The following IMPG2 variants were observed in gnomAD, a reference collection of about 807,000 sequenced individuals.
The protein encoded by IMPG2 is IPM 200.
A neutral mutation model predicts 129.2 loss-of-function variants in IMPG2; 91 were observed. The ratio of observed to expected loss-of-function variants is 0.70; its 90% CI spans 0.59 to 0.84. The LOEUF is 0.84. Among genes scored for constraint, IMPG2 ranks in the 40% least tolerant of loss-of-function variants. The pLI, the probability that IMPG2 is intolerant of heterozygous loss-of-function variation, is 0.00. For synonymous variants in IMPG2, 510 were observed against 517.7 expected, an observed-to-expected ratio of 0.99 and a Z score of 0.20; for missense variants, 1,430 against 1,461.7, an observed-to-expected ratio of 0.98 and a Z score of 0.35.
At chr3:101,278,221 G>A (rs1228556277) in intron 4 of IMPG2, among the ~76,000 whole-genome samples, 1 of 152,190 alleles carries the variant, frequency 6.6e-6, no homozygotes, top group Non-Finnish European at 1.5e-5. Context: ...GGTGACAGAG[G>A]AAGACTCTGC....
intron 13 of IMPG2, 100 bp downstream of exon 13, chr3:101,243,429 A>G: frequency 9.6e-7 from 1 of 1,042,342 alleles, no homozygotes; most frequent in Non-Finnish European, 1.5e-6. Flanking sequence ...TTCACAGCAG[A>G]TCACACTTTC....
chr3:101,301,952 G>A (rs1419234750), intron 3 of IMPG2, among the ~76,000 whole-genome samples: 1 of 152,166 alleles, frequency 6.6e-6, no homozygotes, highest in Non-Finnish European at 1.5e-5. Context: ...GCGATCTACA[G>A]AGTTAAATCC....
At chr3:101,291,605 T>C (rs968925032) in intron 3 of IMPG2, 95 bp from the exon 4 acceptor site, 14 of 841,012 alleles carry the variant, frequency 1.7e-5, no homozygotes, top group Admixed American at 3.9e-5. Flanking sequence ...TGCCCTACCA[T>C]GGTAGAATCT....
chr3:101,244,592 A>C lies in IMPG2; in HGVS notation c.1739T>G (p.Leu580Ter), dbSNP rs770399625. Residue 580 changes from leucine to a stop codon, truncating the protein, a stop_gained, in exon 13 of 19, where the codon TTA (leucine) becomes TGA (stop). Transcript: ENST00000193391. LOFTEE classifies it high-confidence loss of function. ...DSLTSKVKDQ[L>*]KVSPFLPDAS... ...ATCTGGCAGGAAAGGGCTCACTTTT[A>C]ATTGGTCTTTGACTTTGGAGGTCAA... 5 of 1,595,454 alleles carry C rather than the reference A, an allele frequency of 3.1e-6. No individual in the cohort carries two copies. In the South Asian group the frequency reaches 5.7e-5, roughly 18 times the overall value.
chr3:101,306,833 T>C (rs1212724509), intron 2 of IMPG2, among the ~76,000 whole-genome samples: 1 of 152,096 alleles, frequency 6.6e-6, no homozygotes, highest in African/African-American at 2.4e-5. Context: ...TAGACAAAGA[T>C]TTTATAGGCA....
chr3:101,308,244 T>C (rs534119), intron 2 of IMPG2, among the ~76,000 whole-genome samples: 137,879 of 152,268 alleles, frequency 0.91, 62,548 homozygotes, highest in East Asian at 1. Flanking sequence ...CCTCTTCTCA[T>C]AGCTCCACTA....
intron 3 of IMPG2, among the ~76,000 whole-genome samples, chr3:101,299,074 T>G (rs957199324): frequency 6.6e-6 from 1 of 152,244 alleles, no homozygotes; most frequent in Non-Finnish European, 1.5e-5. Context: ...TAGTCCCATA[T>G]TTCTCAGAGG....
intron 14 of IMPG2, among the ~76,000 whole-genome samples, chr3:101,236,628 G>A (rs539424213): frequency 6.6e-6 from 1 of 152,262 alleles, no homozygotes; most frequent in East Asian, 1.9e-4. Context: ...GCCAAGGGAA[G>A]CCATGAGGGA....
At chr3:101,250,030 A>ATC (rs1425769429) in intron 11 of IMPG2, among the ~76,000 whole-genome samples, 1 of 152,082 alleles carries the variant, frequency 6.6e-6, no homozygotes, top group Non-Finnish European at 1.5e-5. Flanking sequence ...GTGAGCTATG[A>ATC]TCACACCACT....
At position 101,273,658 on chromosome 3, in the gene IMPG2, C is replaced by G. The variant is rs1407530857; in HGVS notation, c.751G>C (p.Gly251Arg). The G allele has an allele frequency of 6.2e-7, 1 of 1,613,864 alleles. No individual in the cohort carries two copies. The highest frequency in any genetic ancestry group is 1.3e-5 in the African/African-American group (1 of 74,866). Residue 251 changes from glycine (G) to arginine (R), a missense_variant, in exon 7 of 19, where the codon GGG (glycine) becomes CGG (arginine). By Grantham distance (125) the Gly-to-Arg change is moderately radical. Transcript: ENST00000193391. ...QIAEFSIHLL[G>R]KQYREELQDS... The stretch of plus-strand genomic sequence containing the variant: ...TGTAGTTCTTCCCTGTACTGCTTCC[C>G]CAAAAGGTGGATACTGAATTCTGCA...
chr3:101,227,117 G>T lies in IMPG2; in HGVS notation c.3714-136C>A, dbSNP rs1559638108. On this transcript the variant is annotated intron_variant, in intron 18 of 18. Coordinates refer to ENST00000193391, the MANE Select transcript of IMPG2 (RefSeq NM_016247.4). ...TATTTTTTTCTTTATTTGAAGGAAA[G>T]TTGTTCTGTTCTGTGCTAAAAATTT... 8.7e-6 allele frequency: 9 copies of T among 1,037,138 alleles called. No homozygotes were observed. The East Asian group carries it at 2.3e-4, about 26-fold the overall frequency. The allele number at this position is 1,037,138 out of a possible 1,614,324, so 64.2% of individuals were successfully genotyped here. A position where few individuals can be genotyped will look rare whatever the true frequency, so the allele number is the denominator to read the frequency against.
intron 7 of IMPG2, among the ~76,000 whole-genome samples, chr3:101,270,962 T>C (rs999659954): frequency 3.3e-5 from 5 of 152,172 alleles, no homozygotes; most frequent in Non-Finnish European, 7.3e-5. Context: ...TCTGGGCATC[T>C]GCTTTTAACC....
chr3:101,300,445 A>T (rs1707127819), intron 3 of IMPG2, among the ~76,000 whole-genome samples: 1 of 152,218 alleles, frequency 6.6e-6, no homozygotes, highest in Non-Finnish European at 1.5e-5. Flanking sequence ...GGAGCTCCGC[A>T]GGCTTAAGCA....
intron 14 of IMPG2, among the ~76,000 whole-genome samples, chr3:101,234,368 T>A (rs513154): frequency 1.3e-5 from 2 of 151,120 alleles, no homozygotes; most frequent in African/African-American, 4.9e-5. Flanking sequence ...AAGGAAAGAG[T>A]CTTCCCTAGA....
intron 16 of IMPG2, among the ~76,000 whole-genome samples, chr3:101,230,505 T>C (rs895398497): frequency 3.9e-5 from 6 of 152,204 alleles, no homozygotes; most frequent in African/African-American, 1.2e-4. Context: ...ATCTCCAACA[T>C]TGCTTCTCCA....
intron 14 of IMPG2, among the ~76,000 whole-genome samples, chr3:101,240,733 G>A (rs1706398650): frequency 6.6e-6 from 1 of 152,206 alleles, no homozygotes. Flanking sequence ...AATGGCCTTA[G>A]AGAACTCAAG....
intron 1 of IMPG2, among the ~76,000 whole-genome samples, 199 bp downstream of exon 1, chr3:101,320,089 G>C (rs1457782636): frequency 6.6e-6 from 1 of 151,900 alleles, no homozygotes; most frequent in Non-Finnish European, 1.5e-5. Context: ...TAAAAGTAAG[G>C]TTTAAACCAG....
rs1706305779 is a variant in IMPG2, at chr3:101,232,902, A to T, written c.3112T>A (p.Cys1038Ser). 6.2e-7 allele frequency: 1 copy of T among 1,613,874 alleles called. No individual in the cohort carries two copies. Among genetic ancestry groups the T allele is most frequent in the Non-Finnish European group, 8.5e-7 (1 of 1,180,000 alleles). Reference protein sequence around the residue: ...NPWSGEAKCRCFPGYLSVEER... With the variant: ...NPWSGEAKCRSFPGYLSVEER... ...TCCACACTCAGGTATCCAGGGAAGC[A>T]TCTGCACTTTGCTTCTCCACTCCAG... Residue 1038 changes from cysteine to serine, a missense_variant, in exon 15 of 19, where the codon TGC (cysteine) becomes AGC (serine). By Grantham distance (112) the Cys-to-Ser change is moderately radical (BLOSUM62 -1). Transcript: ENST00000193391.
chr3:101,296,217 T>C (rs930038766), intron 3 of IMPG2, among the ~76,000 whole-genome samples: 10 of 152,192 alleles, frequency 6.6e-5, no homozygotes, highest in Admixed American at 3.3e-4. Context: ...AAATAGCTCT[T>C]ATTATTTTGA....
Sources: gnomAD v4.1 joint callset for allele counts (sites outside exome capture counted in the v4.1 genomes callset) on GRCh38, gnomAD v4.1.1 for gene constraint, MANE v1.5 for transcripts, NCBI Gene and HGNC (gene_info 2026-07-23, HGNC 2026-07-21) for gene names.